The following CDHR2 variants were observed in gnomAD, a reference collection of about 807,000 sequenced individuals.
CDHR2 encodes cadherin-related family member 2.
A neutral mutation model predicts 138.6 loss-of-function variants in CDHR2; 104 were observed. That is an observed-to-expected ratio of 0.75 (90% CI 0.64 to 0.88). CDHR2 has a LOEUF of 0.88. Ranked by LOEUF, CDHR2 falls within the 40% of genes least tolerant of loss-of-function variation. The probability of loss-of-function intolerance (pLI) is 0.00; values close to 1 mark genes in which losing one functional copy is unlikely to be tolerated. For missense variants in CDHR2, 1,624 were observed against 1,727.6 expected, an observed-to-expected ratio of 0.94 and a Z score of 1.06; for synonymous variants, 755 against 742.8, an observed-to-expected ratio of 1.02 and a Z score of -0.27.
At chr5:176,591,098 A>G in intron 28 of CDHR2, 112 bp from the exon 29 acceptor site, 1 of 712,332 alleles carries the variant, frequency 1.4e-6, no homozygotes. Context: ...CCTCTGTAAA[A>G]TAGAGCTAAC....
In CDHR2 at chr5:176,589,547, G is replaced by C. The variant is rs771271726; in HGVS notation, c.3137G>C (p.Ser1046Thr). 1.2e-6 allele frequency: 2 copies of C among 1,614,098 alleles called. No individual in the cohort carries two copies. The highest frequency in any genetic ancestry group is 4.5e-5 in the East Asian group (2 of 44,880). Reference protein sequence around the residue: ...TTLNLFTVDQSYRSRLQFSTP... With the variant: ...TTLNLFTVDQTYRSRLQFSTP... ...TCCCAGCTCTTCACCGTGGACCAGA[G>C]TTACCGCTCGCGGCTGCAGTTCTCC... The change falls in exon 24 of 32, where the codon AGT becomes ACT. Residue 1046 changes from serine (S) to threonine (T), a missense_variant. By Grantham distance (58) the Ser-to-Thr change is moderately conservative. Coordinates refer to ENST00000261944, the MANE Select transcript of CDHR2 (RefSeq NM_017675.6).
At chr5:176,595,924 C>CA (rs967683397), downstream of CDHR2, 6 of 380,394 alleles carry the variant, frequency 1.6e-5, no homozygotes, top group Non-Finnish European at 2.3e-5. Context: ...ACAGGGGGGA[C>CA]AAGGGGCTGG....
chr5:176,592,339 GTGGTGA>G (rs1210080625), intron 30 of CDHR2, among the ~76,000 whole-genome samples: 2 of 149,658 alleles, frequency 1.3e-5, no homozygotes, highest in African/African-American at 5.0e-5. Context: ...TGAGGTGATG[GTGGTGA>G]TGGTGATGGT....
intron 1 of CDHR2, among the ~76,000 whole-genome samples, chr5:176,554,347 C>T (rs2113255902): frequency 6.6e-6 from 1 of 152,310 alleles, no homozygotes; most frequent in East Asian, 1.9e-4. Flanking sequence ...GTGGGAGGAG[C>T]AGCCATAAGG....
chr5:176,581,404 GC>G lies in CDHR2; in HGVS notation c.1884del (p.Tyr629ThrfsTer35). Reference sequence around the variant, plus strand: ...CGTCTGCTCTTCAACCTGCTGCCTGGCCCCTACAGCCACAACTTCTCCTTGG... The same window carrying G: ...CGTCTGCTCTTCAACCTGCTGCCTGGCCCTACAGCCACAACTTCTCCTTGG... Reference protein sequence around the residue: ...NSRLLFNLLPGPYSHNFSLDP... With the variant: ...NSRLLFNLLPXPYSHNFSLDP... On this transcript the variant is annotated frameshift_variant, in exon 17 of 32. Transcript: ENST00000261944. LOFTEE classifies it high-confidence loss of function. The G allele has an allele frequency of 6.2e-7, 1 of 1,614,096 alleles. No homozygotes were observed. The highest frequency in any genetic ancestry group is 8.5e-7 in the Non-Finnish European group (1 of 1,180,038).
chr5:176,550,055 G>A (rs1180964289), intron 1 of CDHR2, among the ~76,000 whole-genome samples: 1 of 152,192 alleles, frequency 6.6e-6, no homozygotes, highest in Non-Finnish European at 1.5e-5. Context: ...TGGTAGAGGA[G>A]GTGGTGACCC....
chr5:176,584,161 C>G, intron 17 of CDHR2, 29 bp from the exon 18 acceptor site: 1 of 1,601,434 alleles, frequency 6.2e-7, no homozygotes, highest in Non-Finnish European at 8.6e-7. Context: ...GATTGGATCC[C>G]GGGGACTCAG....
Position 176,585,964 on chromosome 5 carries a change from C to G in CDHR2, c.2745C>G (p.Leu915=). The G allele has an allele frequency of 6.2e-7, 1 of 1,613,778 alleles. No individual in the cohort carries two copies. Residue 915 remains leucine (L), a synonymous_variant, in exon 20 of 32, where the codon CTC becomes CTG. Transcript: ENST00000261944. ...FQAYSNNGSL[L]ITIEDVNDNA... ...GACCTTGTCTCCTAGGAAGCCTCCT[C>G]ATTACCATTGAGGACGTGAATGACA...
chr5:176,580,528 C>CAA (rs35346478), intron 16 of CDHR2, among the ~76,000 whole-genome samples: 1,185 of 87,338 alleles, frequency 0.014, 45 homozygotes, highest in Admixed American at 0.1. Flanking sequence ...GACTCCACCT[C>CAA]AAAAAAAAAA....
At chr5:176,589,292 G>C in intron 22 of CDHR2, 38 bp from the exon 23 acceptor site, 1 of 1,569,198 alleles carries the variant, frequency 6.4e-7, no homozygotes, top group Non-Finnish European at 8.6e-7. Context: ...GATTCAGCTT[G>C]GGTTCCAAGA....
intron 6 of CDHR2, among the ~76,000 whole-genome samples, chr5:176,573,630 G>T (rs1404202094): frequency 6.7e-6 from 1 of 149,878 alleles, no homozygotes; most frequent in Non-Finnish European, 1.5e-5. Context: ...CTGGGCGAAA[G>T]AGTGAAACTC....
In CDHR2 at chr5:176,554,978, G is replaced by A. The variant is rs560042060; in HGVS notation, c.-16+5564G>A. ...CTCGAAGGGATTTTGTGAGCATTAC[G>A]TAGTGCCCGGCTCAAGTTCTGAGAG... On this transcript the variant is annotated intron_variant, in intron 1 of 31. Transcript: ENST00000261944. Among the ~76,000 whole-genome samples the A allele has an allele frequency of 3.5e-4, 54 of 152,298 alleles. No individual in the cohort carries two copies. The Middle Eastern group carries it at 0.01, about 29-fold the overall frequency.
chr5:176,592,855 AG>A (rs1381678017), intron 31 of CDHR2, 75 bp downstream of exon 31: 7 of 1,270,568 alleles, frequency 5.5e-6, no homozygotes, highest in Non-Finnish European at 5.8e-6. Context: ...GCAGAGCTCA[AG>A]GGACCTGCTA....
intron 21 of CDHR2, among the ~76,000 whole-genome samples, chr5:176,588,576 T>A (rs1272449850): frequency 7.4e-6 from 1 of 135,182 alleles, no homozygotes; most frequent in African/African-American, 3.5e-5. Flanking sequence ...TGTGTGAGAG[T>A]GTGTGTGAGG....
intron 1 of CDHR2, among the ~76,000 whole-genome samples, chr5:176,544,203 A>G (rs2963693): frequency 8.5e-5 from 13 of 152,172 alleles, no homozygotes. Flanking sequence ...TTAGTTTTTA[A>G]AGCTGCCGTT....
rs200234481 is a variant in CDHR2, at chr5:176,595,641, C to T, written c.3902C>T (p.Thr1301Ile). The T allele has an allele frequency of 3.1e-6, 5 of 1,608,960 alleles. No individual in the cohort carries two copies. In the African/African-American group the frequency reaches 5.3e-5, roughly 17 times the overall value. Residue 1301 changes from threonine to isoleucine, a missense_variant, in exon 32 of 32, where the codon ACC becomes ATC. Physicochemically the swap from Thr to Ile is moderately conservative, Grantham distance 89. Transcript: ENST00000261944. ...GGACAGCTGGAGGGGCCATCCTACA[C>T]CAACGCTGGCCTGGACACCACGGAC... ...ASGQLEGPSYTNAGLDTTDL is the reference protein window; with the variant it reads ...ASGQLEGPSYINAGLDTTDL
intron 6 of CDHR2, among the ~76,000 whole-genome samples, chr5:176,572,418 A>AAATAAATAAATAAT (rs1554142289): frequency 3.0e-4 from 35 of 117,280 alleles, no homozygotes; most frequent in African/African-American, 1.1e-3. Flanking sequence ...AATAAATAAT[A>AAATAAATAAATAAT]AAAAAATTAA....
chr5:176,545,130 G>A (rs1050563788), upstream of CDHR2, among the ~76,000 whole-genome samples: 8 of 151,944 alleles, frequency 5.3e-5, no homozygotes, highest in African/African-American at 1.9e-4. Flanking sequence ...TTTTGTGGGG[G>A]GTGGGGACAG....
chr5:176,559,125 C>G (rs908111323), intron 1 of CDHR2, among the ~76,000 whole-genome samples: 5 of 152,150 alleles, frequency 3.3e-5, no homozygotes, highest in African/African-American at 9.7e-5. Context: ...TCTCCAGGTT[C>G]CTAGAGCAAA....
Sources: allele counts gnomAD v4.1 joint callset (sites outside exome capture counted in the v4.1 genomes callset), GRCh38; gene constraint gnomAD v4.1.1; transcripts MANE v1.5; gene names NCBI Gene and HGNC (gene_info 2026-07-23, HGNC 2026-07-21).